Variants in GSN observed in about 807,000 individuals in gnomAD.
The protein encoded by GSN is actin-depolymerizing factor.
GSN carries 56 observed loss-of-function variants against 85.7 expected under a neutral mutation model. That is an observed-to-expected ratio of 0.65 (90% CI 0.53 to 0.82). The LOEUF (loss-of-function observed/expected upper bound fraction) is 0.82. Ranked by LOEUF, GSN falls within the 40% of genes least tolerant of loss-of-function variation. The pLI, the probability that GSN is intolerant of heterozygous loss-of-function variation, is 0.00. For missense variants in GSN, 857 were observed against 979.8 expected, an observed-to-expected ratio of 0.87 and a Z score of 1.67; for synonymous variants, 373 against 399.1, an observed-to-expected ratio of 0.93 and a Z score of 0.78.
chr9:121,259,514 A>G (rs1158667126), intron 6 of GSN, among the ~76,000 whole-genome samples: 2 of 152,144 alleles, frequency 1.3e-5, no homozygotes, highest in African/African-American at 2.4e-5. Flanking sequence ...TGGGGTGCCA[A>G]GGTTTGAAGG....
At chr9:121,317,339 A>C in intron 8 of GSN, 121 bp downstream of exon 8, 1 of 1,130,306 alleles carries the variant, frequency 8.8e-7, no homozygotes, top group South Asian at 1.2e-5. Context: ...GGAAATCAGA[A>C]GTCTTGGGCT....
chr9:121,288,396 G>A (rs1028012039), intron 2 of GSN, among the ~76,000 whole-genome samples: 2 of 152,182 alleles, frequency 1.3e-5, no homozygotes, highest in South Asian at 2.1e-4. Flanking sequence ...TGACGCACCC[G>A]AGGAGCTGGG....
intron 7 of GSN, among the ~76,000 whole-genome samples, chr9:121,315,802 G>A (rs1431701007): frequency 6.6e-6 from 1 of 152,036 alleles, no homozygotes; most frequent in African/African-American, 2.4e-5. Flanking sequence ...AGAAAATACT[G>A]GTTTTGGAGT....
At chr9:121,289,140 C>T (rs1277659593) in intron 2 of GSN, among the ~76,000 whole-genome samples, 1 of 152,146 alleles carries the variant, frequency 6.6e-6, no homozygotes, top group Non-Finnish European at 1.5e-5. Context: ...CCAAGTTCCT[C>T]CTCCTCACAA....
chr9:121,299,818 C>T lies in GSN; in HGVS notation c.-9-2145C>T, dbSNP rs1395544230. 107 of 1,308,908 alleles carry T rather than the reference C, an allele frequency of 8.2e-5. No individual in the cohort carries two copies. Among genetic ancestry groups the T allele is most frequent in the Non-Finnish European group, 9.9e-5 (101 of 1,022,586 alleles). 81.1% of individuals were successfully genotyped at this position (1,308,908 alleles called of 1,614,324 possible). On this transcript the variant is annotated intron_variant, in intron 2 of 17. Coordinates refer to ENST00000432226, the MANE Select transcript of GSN (RefSeq NM_198252.3). The surrounding 1 kb of genome is among the most constrained non-coding windows in gnomAD (Gnocchi z 4.2). ...GGGCGGCTACTTAAGGTCGGCGACC[C>T]GAGGCCGCGGCTGCCGACTGGGTCC...
intron 12 of GSN, among the ~76,000 whole-genome samples, chr9:121,325,974 G>C (rs2063113273): frequency 6.6e-6 from 1 of 151,784 alleles, no homozygotes; most frequent in Non-Finnish European, 1.5e-5. Context: ...AGTTAGCCGG[G>C]GCCACGGTAA....
chr9:121,239,589 A>T (rs892809028), intron 5 of GSN: 17 of 275,396 alleles, frequency 6.2e-5, no homozygotes, highest in African/African-American at 1.1e-4. Flanking sequence ...AATACTGTTC[A>T]TACCAACTAT....
At chr9:121,300,842 C>G (rs1344046610) in intron 2 of GSN, among the ~76,000 whole-genome samples, 2 of 152,088 alleles carry the variant, frequency 1.3e-5, no homozygotes, top group African/African-American at 4.8e-5. Context: ...TTGGACCCTT[C>G]TTGGGGGTAT....
Position 121,318,262 on chromosome 9 carries a change from TG to T in GSN, c.887-139del, listed in dbSNP as rs2061953185. 1 of 746,508 alleles carries T rather than the reference TG, an allele frequency of 1.3e-6. No individual in the cohort carries two copies. The highest frequency in any genetic ancestry group is 1.9e-5 in the Admixed American group (1 of 52,130). 46.2% of individuals were successfully genotyped at this position (746,508 alleles called of 1,614,324 possible). ...AGGAGCTCTAGTGAGTGGTCGGCTC[TG>T]GGGGTCTCTGGCCTTGGCTGTCCAC... On this transcript the variant is annotated intron_variant, in intron 8 of 17. Transcript: ENST00000432226. This position sits in a 1 kb window ranked among gnomAD's most constrained non-coding sequence, Gnocchi z 4.3.
intron 10 of GSN, among the ~76,000 whole-genome samples, chr9:121,320,074 G>C (rs80084802): frequency 0.019 from 2,914 of 152,266 alleles, 50 homozygotes; most frequent in Middle Eastern, 0.051. Context: ...TGAGACTTTG[G>C]GCAAGTTACA....
At chr9:121,280,213 G>C (rs1249480228) in intron 1 of GSN, 1 of 152,264 alleles carries the variant, frequency 6.6e-6, no homozygotes, top group Non-Finnish European at 1.5e-5. Context: ...GCTTCCCTCT[G>C]AATGTAGATG....
chr9:121,331,507 A>G, intron 17 of GSN, 59 bp downstream of exon 17: 1 of 1,003,618 alleles, frequency 1.0e-6, no homozygotes, highest in Non-Finnish European at 1.6e-6. Flanking sequence ...GGGTGCTGGG[A>G]GTGGCTCCTG....
chr9:121,205,734 GC>G (rs1297308587), upstream of GSN, among the ~76,000 whole-genome samples: 2 of 152,118 alleles, frequency 1.3e-5, no homozygotes, highest in Non-Finnish European at 2.9e-5. Flanking sequence ...CTCCAGGTGT[GC>G]AGGTTGTTTG....
intron 2 of GSN, among the ~76,000 whole-genome samples, chr9:121,292,796 G>A (rs1019077840): frequency 6.6e-6 from 1 of 152,062 alleles, no homozygotes; most frequent in Admixed American, 6.5e-5. Flanking sequence ...AGGCACTCCT[G>A]GATCCCATTG....
At chr9:121,233,112 C>T (rs961743270) in intron 5 of GSN, among the ~76,000 whole-genome samples, 7 of 152,256 alleles carry the variant, frequency 4.6e-5, no homozygotes, top group African/African-American at 1.7e-4. Flanking sequence ...CTGAGGTAGG[C>T]CTTTAATAAG....
At chr9:121,315,332 G>A (rs1282448126) in intron 7 of GSN, among the ~76,000 whole-genome samples, 1 of 152,124 alleles carries the variant, frequency 6.6e-6, no homozygotes, top group Non-Finnish European at 1.5e-5. Context: ...CTGATTGATG[G>A]ACATTAGGAT....
At chr9:121,235,381 C>T (rs2054473157) in intron 5 of GSN, among the ~76,000 whole-genome samples, 1 of 152,180 alleles carries the variant, frequency 6.6e-6, no homozygotes, top group African/African-American at 2.4e-5. Context: ...TCAGCTTGTC[C>T]AAAGTCCCAG....
intron 5 of GSN, among the ~76,000 whole-genome samples, chr9:121,247,102 T>G (rs1271281309): frequency 6.6e-6 from 1 of 151,842 alleles, no homozygotes; most frequent in African/African-American, 2.4e-5. Flanking sequence ...CTTGGGCAGG[T>G]TGAATTTTGG....
At chr9:121,232,566 T>C (rs138702647) in intron 5 of GSN, among the ~76,000 whole-genome samples, 242 of 152,292 alleles carry the variant, frequency 1.6e-3, no homozygotes, top group African/African-American at 5.7e-3. Context: ...TTATTGTGAT[T>C]AGAACACGTA....
Sources: allele counts gnomAD v4.1 joint callset (sites outside exome capture counted in the v4.1 genomes callset), GRCh38; gene constraint gnomAD v4.1.1; non-coding constraint Gnocchi (gnomAD v3.1); transcripts MANE v1.5; gene names NCBI Gene and HGNC (gene_info 2026-07-23, HGNC 2026-07-21).